RGS7: variants seen among roughly 807,000 people sequenced by gnomAD.
RGS7 encodes regulator of G protein signaling 7, also known as regulator of G-protein signaling 7.
A neutral mutation model predicts 81.1 loss-of-function variants in RGS7; 27 were observed. That is an observed-to-expected ratio of 0.33 (90% CI 0.25 to 0.46). The LOEUF (loss-of-function observed/expected upper bound fraction) is 0.46, where lower values mean the gene tolerates loss of function less well. Among genes scored for constraint, RGS7 ranks in the 20% least tolerant of loss-of-function variants. The pLI, the probability that RGS7 is intolerant of heterozygous loss-of-function variation, is 1.00. For missense variants in RGS7, 396 were observed against 607.4 expected (o/e 0.65, Z 3.66); for synonymous variants, 208 against 207.7 (o/e 1.00, Z -0.01).
chr1:241,027,851 G>C (rs544439899), intron 3 of RGS7, among the ~76,000 whole-genome samples: 14 of 152,284 alleles, frequency 9.2e-5, no homozygotes, highest in African/African-American at 3.4e-4. Context: ...TAGTGTGTAG[G>C]AGAATATAGA....
At chr1:241,321,645 A>G (rs552532060) in intron 2 of RGS7, among the ~76,000 whole-genome samples, 1 of 152,326 alleles carries the variant, frequency 6.6e-6, no homozygotes, top group South Asian at 2.1e-4. Context: ...TCCTTCAATT[A>G]TGTCTGAGAA....
chr1:241,194,802 C>G lies in RGS7; in HGVS notation c.79-96040G>C, dbSNP rs73130946. Among the ~76,000 whole-genome samples the G allele has an allele frequency of 5.7e-3, 870 of 152,248 alleles. 11 individuals carry two copies. Among genetic ancestry groups the G allele is most frequent in the African/African-American group, 0.019 (809 of 41,546 alleles). On this transcript the variant is annotated intron_variant, in intron 2 of 18. Transcript: ENST00000440928. ...AGGCAAGCCAAGAGATGTTCACCCC[C>G]CAAAGCAGTTACTAAAGGCTTGGAG...
At chr1:240,998,867 G>A (rs1344810898) in intron 3 of RGS7, 2 of 451,714 alleles carry the variant, frequency 4.4e-6, no homozygotes, top group African/African-American at 2.0e-5. Flanking sequence ...CTGAGGAAAG[G>A]TTCTTCAAGC....
intron 3 of RGS7, among the ~76,000 whole-genome samples, chr1:241,093,208 C>A: frequency 6.6e-6 from 1 of 151,970 alleles, no homozygotes; most frequent in East Asian, 1.9e-4. Flanking sequence ...GGCTTTGATA[C>A]TATTATACTC....
Position 241,071,973 on chromosome 1 carries a change from T to C in RGS7, c.175+26693A>G, listed in dbSNP as rs532648993. Among the ~76,000 whole-genome samples the C allele has an allele frequency of 2.6e-5, 4 of 152,218 alleles. 1 individual carries two copies. The South Asian group carries it at 8.3e-4, about 32-fold the overall frequency. ...TTTTATTTTGTCTTATTGAAAAATT[T>C]CTTCTCACTTTGAAATTTACTAGAG... On this transcript the variant is annotated intron_variant, in intron 3 of 18. Coordinates refer to ENST00000440928, the MANE Select transcript of RGS7 (RefSeq NM_001364886.1).
chr1:241,134,559 G>C (rs948469947), intron 2 of RGS7, among the ~76,000 whole-genome samples: 1 of 152,176 alleles, frequency 6.6e-6, no homozygotes, highest in African/African-American at 2.4e-5. Flanking sequence ...AGAAATCTGA[G>C]AATAGAATGG....
At chr1:241,162,991 T>TA (rs1207017497) in intron 2 of RGS7, among the ~76,000 whole-genome samples, 3 of 152,182 alleles carry the variant, frequency 2.0e-5, no homozygotes, top group Non-Finnish European at 2.9e-5. Flanking sequence ...AATATTACTT[T>TA]AAAAAATGTG....
intron 6 of RGS7, among the ~76,000 whole-genome samples, chr1:240,901,919 G>A (rs115342786): frequency 6.6e-6 from 1 of 152,246 alleles, no homozygotes; most frequent in Non-Finnish European, 1.5e-5. Context: ...ACCTAGTAAT[G>A]TATTGTTACA....
chr1:241,339,609 G>A (rs12128314), intron 2 of RGS7, among the ~76,000 whole-genome samples: 13,634 of 152,198 alleles, frequency 0.09, 768 homozygotes, highest in South Asian at 0.25. Flanking sequence ...GTCAGGTATG[G>A]TGACCCTGTA....
chr1:241,145,613 C>T (rs2103103593), intron 2 of RGS7, among the ~76,000 whole-genome samples: 1 of 152,288 alleles, frequency 6.6e-6, no homozygotes, highest in Non-Finnish European at 1.5e-5. Context: ...AAGGTTGTGG[C>T]ACATGCCTGC....
Position 240,868,142 on chromosome 1 carries a change from G to GAAAGAAAGAAAGAA in RGS7, c.609+431_609+444dup, listed in dbSNP as rs1663763829. 8.2e-6 allele frequency among the ~76,000 whole-genome samples: 1 copy of GAAAGAAAGAAAGAA among 121,224 alleles called. No homozygotes were observed. The highest frequency in any genetic ancestry group is 1.6e-5 in the Non-Finnish European group (1 of 61,942). 79.5% of individuals were successfully genotyped at this position (121,224 alleles called of 152,430 possible). A position where few individuals can be genotyped will look rare whatever the true frequency, so the allele number is the denominator to read the frequency against. On this transcript the variant is annotated intron_variant, in intron 9 of 18. Coordinates refer to ENST00000440928, the MANE Select transcript of RGS7 (RefSeq NM_001364886.1). The surrounding 1 kb of genome is among the most constrained non-coding windows in gnomAD (Gnocchi z 5.1). The stretch of plus-strand genomic sequence containing the variant: ...GGAAAGAAAGAAAGAAAGAAAGAAA[G>GAAAGAAAGAAAGAA]AAAGAAAGAAAGAAAGGACGGAGGG...
chr1:240,925,973 T>A (rs1244263969), intron 6 of RGS7, among the ~76,000 whole-genome samples: 2 of 152,178 alleles, frequency 1.3e-5, no homozygotes, highest in Admixed American at 1.3e-4. Flanking sequence ...TTAACGGGAT[T>A]GTTTCTTGCT....
At chr1:241,320,299 C>T (rs1259870120) in intron 2 of RGS7, among the ~76,000 whole-genome samples, 1 of 152,158 alleles carries the variant, frequency 6.6e-6, no homozygotes, top group Non-Finnish European at 1.5e-5. Context: ...TCCCCAGGAA[C>T]ACTTTCTGAG....
At position 240,878,698 on chromosome 1, in the gene RGS7, C is replaced by T. The variant is rs1471430032; in HGVS notation, c.386-8579G>A. Among the ~76,000 whole-genome samples, 5 of 152,142 alleles carry T rather than the reference C, an allele frequency of 3.3e-5. No homozygotes were observed. The East Asian group carries it at 9.7e-4, about 29-fold the overall frequency. ...AACAATGCAGAAAATATTCAGCATACTTAAGAGAATACTGATTTGGTGTAT... is the reference window on the plus strand; with the variant it reads ...AACAATGCAGAAAATATTCAGCATATTTAAGAGAATACTGATTTGGTGTAT... On this transcript the variant is annotated intron_variant, in intron 6 of 18. Coordinates refer to ENST00000440928, the MANE Select transcript of RGS7 (RefSeq NM_001364886.1).
chr1:241,128,004 T>G (rs930380496), intron 2 of RGS7, among the ~76,000 whole-genome samples: 1 of 151,742 alleles, frequency 6.6e-6, no homozygotes, highest in Non-Finnish European at 1.5e-5. Context: ...ATGGGTCGGG[T>G]GTGGTGGCTC....
At chr1:241,247,027 T>C (rs1363425135) in intron 2 of RGS7, among the ~76,000 whole-genome samples, 1 of 152,028 alleles carries the variant, frequency 6.6e-6, no homozygotes, top group African/African-American at 2.4e-5. Context: ...CTAAAATTAC[T>C]GCATTCAAGC....
chr1:241,206,970 T>C (rs1235042618), intron 2 of RGS7, among the ~76,000 whole-genome samples: 1 of 133,170 alleles, frequency 7.5e-6, no homozygotes, highest in Non-Finnish European at 1.6e-5. Context: ...GTTTTTTTTT[T>C]TTTTTTTTTT....
chr1:241,208,415 G>A (rs532414589), intron 2 of RGS7, among the ~76,000 whole-genome samples: 52 of 152,138 alleles, frequency 3.4e-4, no homozygotes, highest in Non-Finnish European at 6.3e-4. Context: ...ATGGGAAAAC[G>A]GCAGCAATTC....
intron 3 of RGS7, among the ~76,000 whole-genome samples, chr1:241,062,402 T>C (rs984445134): frequency 1.3e-5 from 2 of 152,208 alleles, no homozygotes; most frequent in African/African-American, 4.8e-5. Flanking sequence ...TTAGTTTTTA[T>C]TCAACCTTAT....
Sources: allele counts gnomAD v4.1 joint callset (sites outside exome capture counted in the v4.1 genomes callset), GRCh38; gene constraint gnomAD v4.1.1; non-coding constraint Gnocchi (gnomAD v3.1); transcripts MANE v1.5; gene names NCBI Gene and HGNC (gene_info 2026-07-23, HGNC 2026-07-21).